Variants in LAMA3 observed in about 807,000 individuals in gnomAD.
LAMA3 encodes the protein laminin subunit alpha 3, also known as laminin subunit alpha-3.
Under a neutral mutation model 402.0 loss-of-function variants are expected in LAMA3, and 281 were observed. The observed-to-expected ratio is 0.70, with a 90% CI of 0.63 to 0.77. The LOEUF is 0.77. LAMA3 is among the 30% of genes least tolerant of loss of function. The probability of loss-of-function intolerance (pLI) is 0.00; values close to 1 mark genes in which losing one functional copy is unlikely to be tolerated. For missense variants in LAMA3, 3,840 were observed against 4,215.5 expected, an observed-to-expected ratio of 0.91 and a Z score of 2.47; for synonymous variants, 1,431 against 1,558.4, an observed-to-expected ratio of 0.92 and a Z score of 1.93.
intron 1 of LAMA3, among the ~76,000 whole-genome samples, chr18:23,710,961 T>C (rs2060979321): frequency 6.6e-6 from 1 of 152,230 alleles, no homozygotes; most frequent in African/African-American, 2.4e-5. Flanking sequence ...GTGGACTCTT[T>C]GTTAGAAATT....
intron 12 of LAMA3, among the ~76,000 whole-genome samples, chr18:23,795,304 T>A (rs2062741039): frequency 6.6e-6 from 1 of 152,182 alleles, no homozygotes; most frequent in South Asian, 2.1e-4. Context: ...ACTTAAGATG[T>A]ATAGCAGCCT....
rs368283970 is a variant in LAMA3, at chr18:23,754,757, TA to T, written c.947+948del. Among the ~76,000 whole-genome samples the T allele has an allele frequency of 8.4e-4, 128 of 152,336 alleles. 3 individuals carry two copies. In the South Asian group the frequency reaches 0.026, roughly 30 times the overall value. ...TGTTACCACTGCAAGAGGGATACTT[TA>T]AAGGGCTGGAAATTACCGGATGCCA... is the stretch of plus-strand genomic sequence containing the variant. On this transcript the variant is annotated intron_variant, in intron 6 of 74. Transcript: ENST00000313654.
At chr18:23,736,553 A>G (rs1044429128) in intron 2 of LAMA3, among the ~76,000 whole-genome samples, 2 of 152,168 alleles carry the variant, frequency 1.3e-5, no homozygotes, top group African/African-American at 4.8e-5. Flanking sequence ...CATTTTTTCC[A>G]ATAAAACTGT....
Position 23,918,256 on chromosome 18 carries a change from A to T in LAMA3, c.7923+1561A>T, listed in dbSNP as rs1234556235. On this transcript the variant is annotated intron_variant, in intron 60 of 74. Coordinates refer to ENST00000313654, the MANE Select transcript of LAMA3 (RefSeq NM_198129.4). The surrounding 1 kb of genome is among the most constrained non-coding windows in gnomAD (Gnocchi z 4.1). The stretch of plus-strand genomic sequence containing the variant: ...TTCTGTTCCATTGATGTCTATTTTA[A>T]TGAGGGCAAATAATCAGGAATTTGA... Among the ~76,000 whole-genome samples the T allele has an allele frequency of 6.6e-6, 1 of 152,124 alleles. No homozygotes were observed. Among genetic ancestry groups the T allele is most frequent in the Non-Finnish European group, 1.5e-5 (1 of 68,018 alleles).
intron 68 of LAMA3, 79 bp from the exon 69 acceptor site, chr18:23,943,709 C>A: frequency 7.3e-7 from 1 of 1,364,770 alleles, no homozygotes; most frequent in Non-Finnish European, 1.0e-6. Flanking sequence ...GTGTTTGCTC[C>A]CCACCCTCTG....
chr18:23,919,724 G>A (rs1340581170), intron 60 of LAMA3, among the ~76,000 whole-genome samples: 1 of 152,164 alleles, frequency 6.6e-6, no homozygotes, highest in African/African-American at 2.4e-5. Context: ...CAGTGGCTGC[G>A]GGGCTGGAGA....
chr18:23,793,528 C>T (rs981158700), intron 12 of LAMA3, among the ~76,000 whole-genome samples: 5 of 151,860 alleles, frequency 3.3e-5, no homozygotes, highest in Admixed American at 3.3e-4. Context: ...GCTCAGCAGA[C>T]GACCACCAAG....
intron 39 of LAMA3, among the ~76,000 whole-genome samples, chr18:23,880,059 G>C (rs919949148): frequency 4.6e-5 from 7 of 152,236 alleles, no homozygotes; most frequent in African/African-American, 1.7e-4. Flanking sequence ...TAGTTCCAAA[G>C]GACTGATGTC....
At chr18:23,891,819 T>C (rs1039537819) in intron 42 of LAMA3, among the ~76,000 whole-genome samples, 1 of 152,182 alleles carries the variant, frequency 6.6e-6, no homozygotes, top group East Asian at 1.9e-4. Flanking sequence ...CTGAGTTCCA[T>C]TGTCTAAAGC....
chr18:23,941,338 C>G (rs1429368675), intron 68 of LAMA3, among the ~76,000 whole-genome samples: 1 of 146,208 alleles, frequency 6.8e-6, no homozygotes, highest in Non-Finnish European at 1.5e-5. Context: ...CCCCCCCCCG[C>G]CCGGCAGCTT....
At chr18:23,863,466 G>A (rs2064276046) in intron 35 of LAMA3, among the ~76,000 whole-genome samples, 1 of 152,108 alleles carries the variant, frequency 6.6e-6, no homozygotes, top group Admixed American at 6.5e-5. Context: ...ACAAAAAGGA[G>A]GAGGGGGAAT....
intron 72 of LAMA3, among the ~76,000 whole-genome samples, chr18:23,950,967 C>T (rs538413061): frequency 2.2e-4 from 34 of 152,242 alleles, no homozygotes; most frequent in South Asian, 1.2e-3. Flanking sequence ...AATCAAGACC[C>T]GATGACCTTC....
intron 8 of LAMA3, among the ~76,000 whole-genome samples, chr18:23,773,040 C>T (rs1040528191): frequency 2.6e-5 from 4 of 152,116 alleles, no homozygotes; most frequent in African/African-American, 7.2e-5. Flanking sequence ...AAAATTAGAA[C>T]GAAGAGAGAC....
chr18:23,827,387 C>T lies in LAMA3; in HGVS notation c.2743C>T (p.Leu915Phe), dbSNP rs543785921. Residue 915 changes from leucine to phenylalanine, a missense_variant, in exon 23 of 75, where the codon CTT becomes TTT. Transcript: ENST00000313654. ...GGCTTGTGAGGCCAGACACTTCCTG[C>T]TTGATGGGGAGCCAAGACCCGTGGC... Reference protein sequence around the residue: ...TLACEARHFLLDGEPRPVAVR... With the variant: ...TLACEARHFLFDGEPRPVAVR... 8.3e-5 allele frequency: 134 copies of T among 1,614,196 alleles called. No individual in the cohort carries two copies. The South Asian group carries it at 1.3e-3, about 15-fold the overall frequency.
intron 38 of LAMA3, chr18:23,872,783 T>G: frequency 9.7e-5 from 47 of 482,214 alleles, no homozygotes; most frequent in East Asian, 1.6e-4. Flanking sequence ...CAGCCTGTGA[T>G]TTAGGGCGTC....
intron 8 of LAMA3, among the ~76,000 whole-genome samples, chr18:23,765,497 G>A (rs2062057295): frequency 6.6e-6 from 1 of 152,144 alleles, no homozygotes; most frequent in Non-Finnish European, 1.5e-5. Context: ...TTTTTTAGAG[G>A]AATGCTAATG....
intron 24 of LAMA3, among the ~76,000 whole-genome samples, chr18:23,835,557 A>G (rs1446560328): frequency 6.6e-6 from 1 of 152,212 alleles, no homozygotes; most frequent in Non-Finnish European, 1.5e-5. Flanking sequence ...TTCTATCCTT[A>G]GAAACACAGG....
intron 54 of LAMA3, among the ~76,000 whole-genome samples, chr18:23,908,533 CAAAAAAAAAA>C (rs111961159): frequency 1.8e-5 from 1 of 57,044 alleles, no homozygotes; most frequent in Non-Finnish European, 4.1e-5. Flanking sequence ...CCATCTCAAA[CAAAAAAAAAA>C]AAAAAAAAAG....
chr18:23,762,709 T>A (rs1338825483), intron 7 of LAMA3, among the ~76,000 whole-genome samples: 1 of 152,014 alleles, frequency 6.6e-6, no homozygotes. Context: ...TTATATATCT[T>A]TCTTTGGGAG....
Sources: allele counts gnomAD v4.1 joint callset (sites outside exome capture counted in the v4.1 genomes callset), GRCh38; gene constraint gnomAD v4.1.1; non-coding constraint Gnocchi (gnomAD v3.1); transcripts MANE v1.5; gene names NCBI Gene and HGNC (gene_info 2026-07-23, HGNC 2026-07-21).